ZDHHC2: variants seen among roughly 807,000 people sequenced by gnomAD.
The protein encoded by ZDHHC2 is palmitoyltransferase ZDHHC2.
In ZDHHC2, 51 loss-of-function variants were observed where a neutral mutation model predicts 55.6. The ratio of observed to expected loss-of-function variants is 0.92; its 90% CI spans 0.73 to 1.16. The LOEUF is 1.16. Ranked by LOEUF, ZDHHC2 falls within the 50% of genes most tolerant of loss-of-function variation. ZDHHC2 has a pLI of 0.00. For synonymous variants in ZDHHC2, 199 were observed against 152.9 expected, an observed-to-expected ratio of 1.30 and a Z score of -2.22; for missense variants, 491 against 442.4, an observed-to-expected ratio of 1.11 and a Z score of -0.99.
intron 3 of ZDHHC2, among the ~76,000 whole-genome samples, chr8:17,187,140 A>G (rs935451700): frequency 6.6e-6 from 1 of 152,220 alleles, no homozygotes; most frequent in Admixed American, 6.5e-5. Context: ...CTCGATGACC[A>G]TGTTAAACAT....
rs780000519 is a variant in ZDHHC2, at chr8:17,156,769, C to G, written c.46C>G (p.Arg16Gly). Reference sequence around the variant, plus strand: ...CAGCAGCGCCAGGCGGCGGTGCCGGCGGGTGCTGTACTGGATCCCGGTGGT... The same window carrying G: ...CAGCAGCGCCAGGCGGCGGTGCCGGGGGGTGCTGTACTGGATCCCGGTGGT... ...PGSSARRRCR[R>G]VLYWIPVVFI... The change falls in exon 1 of 13, where the codon CGG becomes GGG. Residue 16 changes from arginine (R) to glycine (G), a missense_variant. By Grantham distance (125) the Arg-to-Gly change is moderately radical (BLOSUM62 -2). Transcript: ENST00000262096. 10 of 1,509,418 alleles carry G rather than the reference C, an allele frequency of 6.6e-6. No individual in the cohort carries two copies. The highest frequency in any genetic ancestry group is 8.9e-6 in the Non-Finnish European group (10 of 1,127,684). 93.5% of individuals were successfully genotyped at this position (1,509,418 alleles called of 1,614,324 possible). A position where few individuals can be genotyped will look rare whatever the true frequency, so the allele number is the denominator to read the frequency against.
At chr8:17,203,597 A>G (rs1446087873) in intron 6 of ZDHHC2, among the ~76,000 whole-genome samples, 3 of 152,104 alleles carry the variant, frequency 2.0e-5, no homozygotes, top group African/African-American at 4.8e-5. Flanking sequence ...TGAAACCAAC[A>G]TAAGTAAGCA....
At chr8:17,179,400 C>A (rs901564600) in intron 1 of ZDHHC2, among the ~76,000 whole-genome samples, 2 of 151,830 alleles carry the variant, frequency 1.3e-5, no homozygotes, top group Non-Finnish European at 2.9e-5. Context: ...TTTTTGTTTT[C>A]TTTATTTCTT....
chr8:17,156,899 C>T (rs1327211062), intron 1 of ZDHHC2, 46 bp downstream of exon 1: 6 of 1,460,982 alleles, frequency 4.1e-6, no homozygotes, highest in African/African-American at 3.0e-5. Context: ...GCGCAGCCCA[C>T]CCCGACTGTC....
Position 17,220,092 on chromosome 8 carries a change from T to C in ZDHHC2, c.*35-164T>C, listed in dbSNP as rs75587679. On this transcript the variant is annotated intron_variant, in intron 12 of 12. Coordinates refer to ENST00000262096, the MANE Select transcript of ZDHHC2 (RefSeq NM_016353.5). Reference sequence around the variant, plus strand: ...TATATGCATATTAAAGTTTGAGCAGTATTGATGTAGAGTTCCATATTCAAG... The same window carrying C: ...TATATGCATATTAAAGTTTGAGCAGCATTGATGTAGAGTTCCATATTCAAG... 1.7e-3 allele frequency among the ~76,000 whole-genome samples: 254 copies of C among 152,304 alleles called. 5 individuals carry two copies. The East Asian group carries it at 0.033, about 20-fold the overall frequency.
rs1009554078 is a variant in ZDHHC2 at position 17,196,643 on chromosome 8, G to A, written c.374-939G>A. Among the ~76,000 whole-genome samples, 14 of 151,738 alleles carry A rather than the reference G, an allele frequency of 9.2e-5. No homozygotes were observed. The South Asian group carries it at 1.7e-3, about 18-fold the overall frequency. ...CGACTCTGTGTGGTGTTTCATACAC[G>A]TGTAATCTCAGCACTTTGGGAGGCC... On this transcript the variant is annotated intron_variant, in intron 4 of 12. Transcript: ENST00000262096.
intron 6 of ZDHHC2, among the ~76,000 whole-genome samples, chr8:17,205,388 T>TATG (rs1807049130): frequency 1.3e-5 from 2 of 152,254 alleles, no homozygotes. Context: ...TTGAGGGATG[T>TATG]GCATACTTGC....
rs182449167 is a variant in ZDHHC2, at chr8:17,209,484, C to T, written c.731-448C>T. ...TCTGGGCAACAGAGTGAAACCCTGA[C>T]TCAAAAATAAACAAATGGATTTACT... is the stretch of plus-strand genomic sequence containing the variant. On this transcript the variant is annotated intron_variant, in intron 8 of 12. Coordinates refer to ENST00000262096, the MANE Select transcript of ZDHHC2 (RefSeq NM_016353.5). Among the ~76,000 whole-genome samples the T allele has an allele frequency of 3.6e-4, 54 of 152,086 alleles. No homozygotes were observed. In the East Asian group the frequency reaches 6.0e-3, roughly 17 times the overall value.
chr8:17,166,584 G>C (rs1040958316), intron 1 of ZDHHC2, among the ~76,000 whole-genome samples: 3 of 152,176 alleles, frequency 2.0e-5, no homozygotes, highest in Admixed American at 6.5e-5. Context: ...GGATACATTT[G>C]TTCTACCACA....
At chr8:17,181,266 G>C (rs992922319) in intron 1 of ZDHHC2, among the ~76,000 whole-genome samples, 14 of 152,246 alleles carry the variant, frequency 9.2e-5, no homozygotes, top group African/African-American at 3.4e-4. Flanking sequence ...AAACATTAAT[G>C]GGGCAGATGC....
intron 3 of ZDHHC2, among the ~76,000 whole-genome samples, chr8:17,195,052 G>T (rs1443624867): frequency 3.3e-5 from 5 of 152,144 alleles, no homozygotes; most frequent in African/African-American, 1.2e-4. Flanking sequence ...GAGATTTTAT[G>T]TAAGGATTAT....
intron 1 of ZDHHC2, among the ~76,000 whole-genome samples, chr8:17,183,348 C>T (rs1196948438): frequency 3.3e-5 from 5 of 152,136 alleles, no homozygotes; most frequent in Non-Finnish European, 7.4e-5. Flanking sequence ...ATACCTGTGG[C>T]GGTAGGTTCA....
At chr8:17,178,985 C>G (rs1805295261) in intron 1 of ZDHHC2, among the ~76,000 whole-genome samples, 1 of 152,122 alleles carries the variant, frequency 6.6e-6, no homozygotes, top group South Asian at 2.1e-4. Flanking sequence ...GGGTCACGCT[C>G]TGTTGCCCAG....
intron 6 of ZDHHC2, among the ~76,000 whole-genome samples, chr8:17,203,829 G>A (rs561990520): frequency 2.1e-4 from 28 of 133,486 alleles, no homozygotes; most frequent in African/African-American, 7.7e-4. Context: ...TTTTTTTTGA[G>A]AGGAAGTCTC....
chr8:17,196,841 G>A (rs543078130), intron 4 of ZDHHC2, among the ~76,000 whole-genome samples: 39 of 152,000 alleles, frequency 2.6e-4, no homozygotes, highest in African/African-American at 9.4e-4. Context: ...AACTCAGGAG[G>A]CAGAGGCTAC....
chr8:17,162,502 A>T (rs1022283475), intron 1 of ZDHHC2, among the ~76,000 whole-genome samples: 3 of 152,204 alleles, frequency 2.0e-5, no homozygotes, highest in African/African-American at 7.2e-5. Flanking sequence ...TTTATTCAAG[A>T]TAATTAATTG....
chr8:17,197,568 C>G lies in ZDHHC2; in HGVS notation c.374-14C>G, dbSNP rs1224144972. 8 of 1,611,656 alleles carry G rather than the reference C, an allele frequency of 5.0e-6. No homozygotes were observed. Among genetic ancestry groups the G allele is most frequent in the Admixed American group, 1.7e-5 (1 of 59,782 alleles). On this transcript the variant is annotated splice_polypyrimidine_tract_variant and intron_variant, in intron 4 of 12. Coordinates refer to ENST00000262096, the MANE Select transcript of ZDHHC2 (RefSeq NM_016353.5). ...GTGTTAACTCTAAGACTAAGTGGAGCTTTTTGTCCCTAGCCATCCGATACT... is the reference window on the plus strand; with the variant it reads ...GTGTTAACTCTAAGACTAAGTGGAGGTTTTTGTCCCTAGCCATCCGATACT...
intron 1 of ZDHHC2, among the ~76,000 whole-genome samples, chr8:17,173,540 GGGCATGGT>G (rs989729279): frequency 2.0e-5 from 3 of 151,762 alleles, no homozygotes; most frequent in Admixed American, 6.6e-5. Flanking sequence ...TAAATTAGGA[GGGCATGGT>G]GGCACGCATC....
intron 12 of ZDHHC2, among the ~76,000 whole-genome samples, chr8:17,217,631 C>T (rs754465464): frequency 6.6e-6 from 1 of 152,054 alleles, no homozygotes; most frequent in Non-Finnish European, 1.5e-5. Flanking sequence ...ATATCCTTGA[C>T]CATCCATTAG....
Sources: allele counts gnomAD v4.1 joint callset (sites outside exome capture counted in the v4.1 genomes callset), GRCh38; gene constraint gnomAD v4.1.1; transcripts MANE v1.5; gene names NCBI Gene and HGNC (gene_info 2026-07-23, HGNC 2026-07-21).